The following TLK1 variants were observed in gnomAD, a reference collection of about 807,000 sequenced individuals.
TLK1 encodes the protein serine/threonine-protein kinase tousled-like 1.
In TLK1, 24 loss-of-function variants were observed where a neutral mutation model predicts 105.3. The observed-to-expected ratio is 0.23, with a 90% CI of 0.17 to 0.32. The LOEUF (loss-of-function observed/expected upper bound fraction) is 0.32. Among genes scored for constraint, TLK1 ranks in the 10% least tolerant of loss-of-function variants. TLK1 has a pLI of 1.00. For synonymous variants in TLK1, 321 were observed against 310.4 expected, an observed-to-expected ratio of 1.03 and a Z score of -0.36; for missense variants, 558 against 910.5, an observed-to-expected ratio of 0.61 and a Z score of 4.98.
chr2:171,164,654 TAAGTAATTG>T (rs745437835), upstream of TLK1, among the ~76,000 whole-genome samples: 6 of 152,246 alleles, frequency 3.9e-5, no homozygotes, highest in Admixed American at 1.3e-4. Context: ...AAATACGTTT[TAAGTAATTG>T]AAGTAATTGA....
intron 8 of TLK1, among the ~76,000 whole-genome samples, chr2:171,052,778 G>C (rs913491078): frequency 6.6e-5 from 10 of 152,154 alleles, no homozygotes; most frequent in Admixed American, 4.6e-4. Context: ...AATATGACAG[G>C]ATCAGGAAAA....
intron 18 of TLK1, among the ~76,000 whole-genome samples, chr2:170,999,982 A>G (rs1489640322): frequency 6.6e-6 from 1 of 152,050 alleles, no homozygotes; most frequent in African/African-American, 2.4e-5. Flanking sequence ...GTTGGTCTTC[A>G]ATTCCTGGGC....
At chr2:171,163,597 C>G (rs970361837), upstream of TLK1, among the ~76,000 whole-genome samples, 2 of 152,162 alleles carry the variant, frequency 1.3e-5, no homozygotes, top group African/African-American at 4.8e-5. Context: ...AAAGCTCCTA[C>G]CAATTCTGAG....
At chr2:171,033,862 A>G (rs1261319972) in intron 11 of TLK1, among the ~76,000 whole-genome samples, 8 of 150,658 alleles carry the variant, frequency 5.3e-5, no homozygotes, top group South Asian at 2.1e-4. Flanking sequence ...TGCAAATCAT[A>G]TATGTTAAGG....
chr2:171,023,975 C>T (rs928519837), intron 12 of TLK1, among the ~76,000 whole-genome samples: 1 of 152,158 alleles, frequency 6.6e-6, no homozygotes, highest in African/African-American at 2.4e-5. Context: ...GGTTGGTTTC[C>T]TTGAACCCAC....
intron 1 of TLK1, among the ~76,000 whole-genome samples, chr2:171,171,852 T>C (rs1456996647): frequency 6.6e-6 from 1 of 152,198 alleles, no homozygotes. Context: ...TGGATATTGG[T>C]ACCTGGTAGC....
intron 2 of TLK1, among the ~76,000 whole-genome samples, chr2:171,092,849 A>AT (rs890498052): frequency 7.9e-5 from 12 of 151,316 alleles, no homozygotes; most frequent in Admixed American, 5.9e-4. Context: ...AGATGGGTAC[A>AT]TTTTTTTTTA....
rs554109419 is a variant in TLK1, at chr2:171,167,288, T to A, written c.-5-49431A>T. Among the ~76,000 whole-genome samples, 3 of 152,344 alleles carry A rather than the reference T, an allele frequency of 2.0e-5. No individual in the cohort carries two copies. In the East Asian group the frequency reaches 5.8e-4, roughly 29 times the overall value. On this transcript the variant is annotated intron_variant, in intron 1 of 20. Transcript: ENST00000521943. ...GAGTATTGGGCCTTCTTCCTTCTTA[T>A]CAGAGTGAATTGAAATGTCAACAAG...
chr2:171,123,057 TACACACACACAC>T (rs71008752), intron 1 of TLK1, among the ~76,000 whole-genome samples: 10 of 141,218 alleles, frequency 7.1e-5, no homozygotes, highest in African/African-American at 2.1e-4. Context: ...AATAAATAAA[TACACACACACAC>T]ACACACACAC....
intron 1 of TLK1, among the ~76,000 whole-genome samples, chr2:171,226,574 G>T (rs1316737733): frequency 6.6e-6 from 1 of 152,144 alleles, no homozygotes; most frequent in East Asian, 1.9e-4. Flanking sequence ...AGAGGCTTGG[G>T]CATCTGCTCC....
At chr2:171,021,225 A>G (rs908523847) in intron 12 of TLK1, among the ~76,000 whole-genome samples, 7 of 151,432 alleles carry the variant, frequency 4.6e-5, no homozygotes, top group African/African-American at 1.5e-4. Context: ...CATCAAATAA[A>G]TGTTTAAGAA....
intron 1 of TLK1, among the ~76,000 whole-genome samples, chr2:171,214,261 C>G (rs969839785): frequency 6.6e-6 from 1 of 152,106 alleles, no homozygotes; most frequent in African/African-American, 2.4e-5. Context: ...AGTGTCTTCT[C>G]TGCCTCTTAG....
chr2:171,135,311 GTGTGTGTGTATATATATATA>G (rs1558961438), intron 1 of TLK1, among the ~76,000 whole-genome samples: 3 of 147,844 alleles, frequency 2.0e-5, no homozygotes, highest in African/African-American at 5.0e-5. Context: ...GTTTGTGTGT[GTGTGTGTGTATATATATATA>G]TATATATATA....
At chr2:170,994,958 T>C (rs764711104) in intron 20 of TLK1, among the ~76,000 whole-genome samples, 20 of 152,176 alleles carry the variant, frequency 1.3e-4, no homozygotes, top group Admixed American at 2.0e-4. Flanking sequence ...AACAGAAGTA[T>C]AATCACATTA....
At chr2:171,009,225 C>T (rs934795112) in intron 14 of TLK1, among the ~76,000 whole-genome samples, 4 of 150,302 alleles carry the variant, frequency 2.7e-5, no homozygotes, top group Non-Finnish European at 4.4e-5. Flanking sequence ...CATAATTTTT[C>T]CAAGTCAGAA....
At chr2:171,053,890 A>G (rs763294230) in intron 7 of TLK1, 37 bp from the exon 8 acceptor site, 5 of 1,444,078 alleles carry the variant, frequency 3.5e-6, no homozygotes, top group South Asian at 1.3e-5. Flanking sequence ...TCTCCATTAT[A>G]TATGTTGTTT....
chr2:171,062,704 T>G (rs559150965), intron 3 of TLK1, among the ~76,000 whole-genome samples: 1 of 152,332 alleles, frequency 6.6e-6, no homozygotes, highest in African/African-American at 2.4e-5. Context: ...TTCTGTATGA[T>G]TCTAAGACCT....
chr2:170,996,960 A>C (rs1684094569), intron 19 of TLK1, among the ~76,000 whole-genome samples, 200 bp from the exon 20 acceptor site: 1 of 152,258 alleles, frequency 6.6e-6, no homozygotes, highest in Non-Finnish European at 1.5e-5. Context: ...CCTACCTAAC[A>C]GATCTTCAAC....
At chr2:171,008,899 G>A (rs1684770321) in intron 14 of TLK1, among the ~76,000 whole-genome samples, 1 of 152,216 alleles carries the variant, frequency 6.6e-6, no homozygotes, top group Non-Finnish European at 1.5e-5. Context: ...GGGTTGTTAT[G>A]AAGGCTCATG....
Sources: gnomAD v4.1 joint callset for allele counts (sites outside exome capture counted in the v4.1 genomes callset) on GRCh38, gnomAD v4.1.1 for gene constraint, MANE v1.5 for transcripts, NCBI Gene and HGNC (gene_info 2026-07-23, HGNC 2026-07-21) for gene names.